The following PABPC4L variants were observed in gnomAD, a reference collection of about 807,000 sequenced individuals.
PABPC4L encodes polyadenylate-binding protein 4-like.
For synonymous variants in PABPC4L, 169 were observed against 164.1 expected, an observed-to-expected ratio of 1.03 and a Z score of -0.23; for missense variants, 452 against 451.4, an observed-to-expected ratio of 1.00 and a Z score of -0.01.
chr4:134,096,302 C>T, the PABPC4L span, among the ~76,000 whole-genome samples: 1 of 151,748 alleles, frequency 6.6e-6, no homozygotes, highest in Admixed American at 6.6e-5. Context: ...ATTGTGAGGG[C>T]ACAATACAGG....
At chr4:134,040,878 A>G in the PABPC4L span, among the ~76,000 whole-genome samples, 1 of 152,180 alleles carries the variant, frequency 6.6e-6, no homozygotes, top group African/African-American at 2.4e-5. Flanking sequence ...ATTTACAACA[A>G]CAAAGAAACA....
the PABPC4L span, among the ~76,000 whole-genome samples, chr4:134,135,373 C>T: frequency 6.6e-6 from 1 of 152,012 alleles, no homozygotes; most frequent in East Asian, 1.9e-4. Flanking sequence ...CAGTCTTTAC[C>T]CCCTTTCTTC....
the PABPC4L span, among the ~76,000 whole-genome samples, chr4:134,094,839 G>T: frequency 6.6e-6 from 1 of 151,684 alleles, no homozygotes; most frequent in East Asian, 2.0e-4. Context: ...AGAAAAATGT[G>T]AAATATAAAT....
At chr4:134,079,596 A>G in the PABPC4L span, among the ~76,000 whole-genome samples, 1 of 84,396 alleles carries the variant, frequency 1.2e-5, no homozygotes, top group Non-Finnish European at 2.4e-5. Flanking sequence ...AAAAAAAAAA[A>G]AAAAAAAAAA....
At chr4:134,062,919 T>C in the PABPC4L span, among the ~76,000 whole-genome samples, 3 of 152,088 alleles carry the variant, frequency 2.0e-5, no homozygotes, top group Non-Finnish European at 2.9e-5. Flanking sequence ...GGAGGTGAAA[T>C]GCATTTCACC....
At chr4:134,031,860 A>G in the PABPC4L span, among the ~76,000 whole-genome samples, 2 of 151,962 alleles carry the variant, frequency 1.3e-5, no homozygotes, top group Admixed American at 6.6e-5. Flanking sequence ...TAAGAAATGT[A>G]TTAGAATTGC....
At chr4:134,129,982 T>G in the PABPC4L span, among the ~76,000 whole-genome samples, 376 of 151,282 alleles carry the variant, frequency 2.5e-3, no homozygotes, top group Non-Finnish European at 3.5e-3. Context: ...GGAGAATCGC[T>G]TGAACCCAGA....
chr4:133,996,009 T>A, the PABPC4L span, among the ~76,000 whole-genome samples: 1 of 152,194 alleles, frequency 6.6e-6, no homozygotes, highest in African/African-American at 2.4e-5. Context: ...CTTGTTGATC[T>A]TGTATTACCA....
At chr4:134,017,047 G>C in the PABPC4L span, among the ~76,000 whole-genome samples, 1 of 152,084 alleles carries the variant, frequency 6.6e-6, no homozygotes. Context: ...ATAATTCCTC[G>C]GTTTGGCCTT....
At chr4:133,949,206 C>T in the PABPC4L span, among the ~76,000 whole-genome samples, 1 of 152,150 alleles carries the variant, frequency 6.6e-6, no homozygotes, top group Non-Finnish European at 1.5e-5. Context: ...TCCACCAGAC[C>T]TCATTCCAGC....
chr4:134,047,004 G>A, the PABPC4L span, among the ~76,000 whole-genome samples: 1 of 152,124 alleles, frequency 6.6e-6, no homozygotes. Context: ...ACACTGGCTG[G>A]TTTATAATTA....
At chr4:134,122,417 G>A in the PABPC4L span, among the ~76,000 whole-genome samples, 1 of 151,584 alleles carries the variant, frequency 6.6e-6, no homozygotes, top group Non-Finnish European at 1.5e-5. Flanking sequence ...ATTATTTAAA[G>A]CAATTTTAAA....
At chr4:134,065,961 A>G in the PABPC4L span, among the ~76,000 whole-genome samples, 1 of 152,172 alleles carries the variant, frequency 6.6e-6, no homozygotes, top group South Asian at 2.1e-4. Context: ...ACTCTGTTCC[A>G]TTGGTCTATG....
At chr4:134,107,123 AT>A in the PABPC4L span, among the ~76,000 whole-genome samples, 21 of 150,614 alleles carry the variant, frequency 1.4e-4, no homozygotes, top group East Asian at 3.9e-4. Flanking sequence ...AGTCTTCTAA[AT>A]TTTTTTTTCC....
the PABPC4L span, among the ~76,000 whole-genome samples, chr4:134,024,923 ATTTTTTTTTT>A: frequency 7.0e-5 from 9 of 128,480 alleles, no homozygotes; most frequent in Non-Finnish European, 1.2e-4. Context: ...TAATTATGTA[ATTTTTTTTTT>A]TTTTTTTTTT....
the PABPC4L span, among the ~76,000 whole-genome samples, chr4:134,088,069 T>C: frequency 6.6e-6 from 1 of 152,032 alleles, no homozygotes; most frequent in Non-Finnish European, 1.5e-5. Flanking sequence ...CTCAGGCCTC[T>C]TTTTCTCTGA....
chr4:133,957,855 A>C, the PABPC4L span, among the ~76,000 whole-genome samples: 1 of 152,152 alleles, frequency 6.6e-6, no homozygotes, highest in Non-Finnish European at 1.5e-5. Context: ...CCTTTTAGCC[A>C]TGGCTGGAGC....
At chr4:134,152,200 G>C in the PABPC4L span, among the ~76,000 whole-genome samples, 13 of 151,650 alleles carry the variant, frequency 8.6e-5, no homozygotes, top group Non-Finnish European at 1.8e-4. Flanking sequence ...TAATAATATT[G>C]TTGTTTAAGC....
At chr4:134,163,705 A>G in the PABPC4L span, among the ~76,000 whole-genome samples, 1 of 152,204 alleles carries the variant, frequency 6.6e-6, no homozygotes, top group African/African-American at 2.4e-5. Context: ...CAAGTCAATA[A>G]ATGTGATTCA....
Sources: allele counts gnomAD v4.1 joint callset (sites outside exome capture counted in the v4.1 genomes callset), GRCh38; gene constraint gnomAD v4.1.1; transcripts MANE v1.5; gene names NCBI Gene and HGNC (gene_info 2026-07-23, HGNC 2026-07-21).